Variants in HIVEP3 observed in about 807,000 individuals in gnomAD.
HIVEP3 encodes transcription factor HIVEP3.
In HIVEP3, 49 loss-of-function variants were observed where a neutral mutation model predicts 152.8. The observed-to-expected ratio is 0.32, with a 90% CI of 0.26 to 0.41. The LOEUF is 0.41. Ranked by LOEUF, HIVEP3 falls within the 10% of genes least tolerant of loss-of-function variation. The pLI, the probability that HIVEP3 is intolerant of heterozygous loss-of-function variation, is 1.00. For missense variants in HIVEP3, 2,790 were observed against 3,103.3 expected (o/e 0.90, Z 2.40); for synonymous variants, 1,269 against 1,289.0 (o/e 0.98, Z 0.33).
In HIVEP3 at chr1:41,662,303, G is replaced by C. The variant is rs892360794; in HGVS notation, c.-720-33356C>G. On this transcript the variant is annotated intron_variant, in intron 2 of 8. Coordinates refer to ENST00000372583, the MANE Select transcript of HIVEP3 (RefSeq NM_024503.5). This position sits in a 1 kb window ranked among gnomAD's most constrained non-coding sequence, Gnocchi z 7.2. ...CCAGGCGCTCGCTGGCGGCCCACGC[G>C]GCGCGGGGTGGGCGCGGGGCGGGCT... 3 of 145,816 alleles carry C rather than the reference G, an allele frequency of 2.1e-5. No individual in the cohort carries two copies. The highest frequency in any genetic ancestry group is 7.4e-5 in the African/African-American group (3 of 40,750). The allele number at this position is 145,816 out of a possible 1,614,324, so 9.0% of individuals were successfully genotyped here.
At chr1:41,564,969 C>T (rs1157813939) in intron 5 of HIVEP3, among the ~76,000 whole-genome samples, 10 of 152,322 alleles carry the variant, frequency 6.6e-5, no homozygotes, top group African/African-American at 2.2e-4. Context: ...GACAACTCAG[C>T]GGAGCCCCTG....
In HIVEP3 at chr1:41,925,205, TAA is replaced by T. The variant is rs546150393; in HGVS notation, n.120-6683_120-6682del. ...GAGACTATACGTGGCTTGCAAAGCC[TAA>T]AATACAACTGACCCTGAACAACTCA... On this transcript the variant is annotated intron_variant and non_coding_transcript_variant, in intron 1 of 3. Transcript: ENST00000489103. Among the ~76,000 whole-genome samples the T allele has an allele frequency of 1.3e-4, 20 of 152,320 alleles. No homozygotes were observed. The East Asian group carries it at 3.9e-3, about 29-fold the overall frequency.
At chr1:41,734,969 G>A (rs1352238119) in intron 1 of HIVEP3, among the ~76,000 whole-genome samples, 2 of 152,144 alleles carry the variant, frequency 1.3e-5, no homozygotes, top group Admixed American at 6.5e-5. Flanking sequence ...CAATGTTTGC[G>A]ACACCAAACA....
At chr1:41,804,150 T>C (rs1650465159) in intron 1 of HIVEP3, among the ~76,000 whole-genome samples, 1 of 152,244 alleles carries the variant, frequency 6.6e-6, no homozygotes, top group South Asian at 2.1e-4. Flanking sequence ...AAACAGCTCC[T>C]ACTTACTCTG....
intron 1 of HIVEP3, among the ~76,000 whole-genome samples, chr1:41,737,891 T>C (rs991101235): frequency 4.6e-5 from 7 of 152,136 alleles, no homozygotes; most frequent in Admixed American, 3.9e-4. Flanking sequence ...ATACAGCAGG[T>C]GTCACTTAAC....
chr1:41,694,988 G>A (rs1419018007), intron 2 of HIVEP3, among the ~76,000 whole-genome samples: 1 of 152,198 alleles, frequency 6.6e-6, no homozygotes, highest in Non-Finnish European at 1.5e-5. Flanking sequence ...GTGGCCCAGA[G>A]GGGAATGCTA....
intron 2 of HIVEP3, among the ~76,000 whole-genome samples, chr1:41,677,877 G>A (rs1364679656): frequency 1.3e-5 from 2 of 152,200 alleles, no homozygotes; most frequent in East Asian, 1.9e-4. Flanking sequence ...ATGGGCCTAA[G>A]CTGCTTCCAG....
chr1:41,857,685 C>A lies in HIVEP3; in HGVS notation c.-801+60728G>T, dbSNP rs1055048733. ...AACATGATGCCTATGAGGTATGCAT[C>A]CTCATGCCCATCTTGTAGATGGGAG... is the stretch of plus-strand genomic sequence containing the variant. On this transcript the variant is annotated intron_variant, in intron 1 of 8. Coordinates refer to ENST00000372583, the MANE Select transcript of HIVEP3 (RefSeq NM_024503.5). Among the ~76,000 whole-genome samples, 6 of 152,240 alleles carry A rather than the reference C, an allele frequency of 3.9e-5. No individual in the cohort carries two copies. In the South Asian group the frequency reaches 1.0e-3, roughly 26 times the overall value.
chr1:41,537,396 C>T (rs973826412), intron 5 of HIVEP3, among the ~76,000 whole-genome samples: 5 of 152,170 alleles, frequency 3.3e-5, no homozygotes, highest in African/African-American at 1.2e-4. Context: ...GAAGATGTGA[C>T]GAGCAATGCA....
At position 41,963,044 on chromosome 1, in the gene HIVEP3, C is replaced by T. The variant is rs1645177349; in HGVS notation, n.120-44520G>A. 2.0e-5 allele frequency among the ~76,000 whole-genome samples: 3 copies of T among 152,190 alleles called. No individual in the cohort carries two copies. In the South Asian group the frequency reaches 6.2e-4, roughly 32 times the overall value. On this transcript the variant is annotated intron_variant and non_coding_transcript_variant, in intron 1 of 3. Transcript: ENST00000489103. Reference sequence around the variant, plus strand: ...TTTGTTTTTTTGAGACGGAGTCTCGCTCTGTCACCCAGGCTGGAGTGCAGT... The same window carrying T: ...TTTGTTTTTTTGAGACGGAGTCTCGTTCTGTCACCCAGGCTGGAGTGCAGT...
intron 3 of HIVEP3, among the ~76,000 whole-genome samples, chr1:41,613,282 C>T (rs1644923209): frequency 6.6e-6 from 1 of 152,258 alleles, no homozygotes; most frequent in African/African-American, 2.4e-5. Context: ...CACAGCTCCC[C>T]TCTCCAGAGG....
chr1:42,029,276 G>C (rs1031288588), intron 1 of HIVEP3, among the ~76,000 whole-genome samples: 1 of 152,020 alleles, frequency 6.6e-6, no homozygotes, highest in East Asian at 1.9e-4. Flanking sequence ...ACCAATCCTG[G>C]TACAAACTTC....
In HIVEP3 at chr1:41,598,690, C is replaced by T. The variant is rs1010614791; in HGVS notation, c.-521-13372G>A. ...ATGAAAACAGACATAAATCATAGGCCTTACTATAAGCTACAGTAATCAAGA... is the reference window on the plus strand; with the variant it reads ...ATGAAAACAGACATAAATCATAGGCTTTACTATAAGCTACAGTAATCAAGA... On this transcript the variant is annotated intron_variant, in intron 3 of 8. Coordinates refer to ENST00000372583, the MANE Select transcript of HIVEP3 (RefSeq NM_024503.5). 2.6e-5 allele frequency among the ~76,000 whole-genome samples: 4 copies of T among 152,234 alleles called. No individual in the cohort carries two copies. The South Asian group carries it at 8.3e-4, about 32-fold the overall frequency.
chr1:41,980,617 T>A (rs1022777764), intron 1 of HIVEP3, among the ~76,000 whole-genome samples: 18 of 152,286 alleles, frequency 1.2e-4, no homozygotes, highest in Non-Finnish European at 2.5e-4. Context: ...AAAACTGCAA[T>A]GTGTGTTGGT....
At chr1:41,545,733 A>G (rs1643782058) in intron 5 of HIVEP3, among the ~76,000 whole-genome samples, 1 of 144,630 alleles carries the variant, frequency 6.9e-6, no homozygotes, top group South Asian at 2.3e-4. Context: ...TACCACTACC[A>G]TCACCACCAT....
intron 5 of HIVEP3, among the ~76,000 whole-genome samples, chr1:41,556,006 A>G (rs910739433): frequency 2.6e-5 from 4 of 152,206 alleles, no homozygotes; most frequent in Admixed American, 2.0e-4. Context: ...TTGCATGACT[A>G]GAACGTATTT....
At chr1:41,840,029 T>C (rs540018697) in intron 1 of HIVEP3, among the ~76,000 whole-genome samples, 2 of 152,264 alleles carry the variant, frequency 1.3e-5, no homozygotes, top group South Asian at 2.1e-4. Context: ...CTGTATCCCA[T>C]CATCTCAGGA....
intron 5 of HIVEP3, among the ~76,000 whole-genome samples, chr1:41,539,054 T>C (rs1643467292): frequency 6.6e-6 from 1 of 152,160 alleles, no homozygotes; most frequent in Admixed American, 6.5e-5. Context: ...AAAAAGGAGT[T>C]ATGTGAATGT....
intron 5 of HIVEP3, chr1:41,543,988 G>A (rs1389440480): frequency 1.3e-5 from 2 of 152,086 alleles, no homozygotes; most frequent in Non-Finnish European, 2.9e-5. Flanking sequence ...GGCTCCTCCT[G>A]GTGCTGCAAG....
Sources: allele counts gnomAD v4.1 joint callset (sites outside exome capture counted in the v4.1 genomes callset), GRCh38; gene constraint gnomAD v4.1.1; non-coding constraint Gnocchi (gnomAD v3.1); transcripts MANE v1.5; gene names NCBI Gene and HGNC (gene_info 2026-07-23, HGNC 2026-07-21).